The following KLHL4 variants were observed in gnomAD, a reference collection of about 807,000 sequenced individuals.
KLHL4 encodes the protein kelch like family member 4.
A neutral mutation model predicts 45.8 loss-of-function variants in KLHL4; 17 were observed. The ratio of observed to expected loss-of-function variants is 0.37; its 90% CI spans 0.25 to 0.56. The LOEUF (loss-of-function observed/expected upper bound fraction) is 0.56. Among genes scored for constraint, KLHL4 ranks in the 20% least tolerant of loss-of-function variants. KLHL4 has a pLI of 0.79. For synonymous variants in KLHL4, 224 were observed against 189.9 expected, an observed-to-expected ratio of 1.18 and a Z score of -1.47; for missense variants, 544 against 544.9, an observed-to-expected ratio of 1.00 and a Z score of 0.02.
intron 1 of KLHL4, among the ~76,000 whole-genome samples, chrX:87,595,461 A>G (rs1438598725): frequency 1.8e-5 from 2 of 111,827 alleles, no homozygotes; most frequent in African/African-American, 3.3e-5. Context: ...GAAAAATGCC[A>G]TTAGTTGAAG....
At chrX:87,653,981 G>A (rs771385098) in intron 9 of KLHL4, among the ~76,000 whole-genome samples, 22 of 110,443 alleles carry the variant, frequency 2.0e-4, no homozygotes, top group Admixed American at 3.9e-4. Context: ...GCTTGTCAGG[G>A]GAGTGTGGGG....
intron 1 of KLHL4, among the ~76,000 whole-genome samples, chrX:87,612,969 A>G (rs1464017758): frequency 9.0e-6 from 1 of 111,648 alleles, no homozygotes; most frequent in Non-Finnish European, 1.9e-5. Context: ...TGAGCTATTC[A>G]TACCATGATC....
At chrX:87,536,289 A>G (rs1033665183) in intron 1 of KLHL4, among the ~76,000 whole-genome samples, 1 of 111,399 alleles carries the variant, frequency 9.0e-6, no homozygotes, top group Non-Finnish European at 1.9e-5. Flanking sequence ...CTTCAGCAGT[A>G]TAAAGCTGAT....
chrX:87,647,870 G>A (rs926733773), intron 9 of KLHL4, among the ~76,000 whole-genome samples: 5 of 110,468 alleles, frequency 4.5e-5, no homozygotes, highest in Admixed American at 9.6e-5. Flanking sequence ...TTCAAAAATA[G>A]CATTAACAAC....
At chrX:87,629,287 A>T (rs2147822253) in intron 6 of KLHL4, among the ~76,000 whole-genome samples, 1 of 111,570 alleles carries the variant, frequency 9.0e-6, no homozygotes, top group Non-Finnish European at 1.9e-5. Context: ...ATGGTAAAAA[A>T]ATTGAATTTA....
chrX:87,643,165 C>G (rs1165347595), intron 9 of KLHL4, among the ~76,000 whole-genome samples: 3 of 111,169 alleles, frequency 2.7e-5, no homozygotes, highest in Non-Finnish European at 5.7e-5. Context: ...ACTGATAGAC[C>G]ATTAGCAAGA....
intron 9 of KLHL4, among the ~76,000 whole-genome samples, chrX:87,638,183 A>G (rs1349843859): frequency 4.5e-5 from 5 of 111,394 alleles, no homozygotes; most frequent in African/African-American, 1.3e-4. Context: ...AAAGCCTTCA[A>G]GAAGATTGGG....
chrX:87,561,290 C>T (rs995411075), intron 1 of KLHL4, among the ~76,000 whole-genome samples: 1 of 110,792 alleles, frequency 9.0e-6, no homozygotes, highest in Non-Finnish European at 1.9e-5. Context: ...GTAGGAGAGA[C>T]AGTCTTAAAT....
intron 6 of KLHL4, among the ~76,000 whole-genome samples, chrX:87,630,777 G>T (rs1206217689): frequency 9.0e-6 from 1 of 111,588 alleles, no homozygotes; most frequent in East Asian, 2.8e-4. Flanking sequence ...AACACTTAAA[G>T]AAAGTAATAC....
rs1924507971 is a variant in KLHL4, at chrX:87,669,830, A to G, written c.*3296A>G. ...GTGGAAGATATCACATGAACTACCTAATTTTCAAGCATGGATCTCCATATT... is the reference window on the plus strand; with the variant it reads ...GTGGAAGATATCACATGAACTACCTGATTTTCAAGCATGGATCTCCATATT... On this transcript the variant is annotated 3_prime_UTR_variant, in exon 11 of 11. Transcript: ENST00000373119. 8.8e-6 allele frequency: 1 copy of G among 114,238 alleles called. No individual in the cohort carries two copies. The highest frequency in any genetic ancestry group is 9.0e-5 in the Admixed American group (1 of 11,061). 9.4% of individuals were successfully genotyped at this position (114,238 alleles called of 1,213,427 possible). A position where few individuals can be genotyped will look rare whatever the true frequency, so the allele number is the denominator to read the frequency against.
At position 87,626,651 on chromosome X, in the gene KLHL4, T is replaced by TTAAAA. The variant is rs1556036030; in HGVS notation, c.1324+855_1324+856insTAAAA. ...AAATTGTGAGGGATGTATGTAGCTT[T>TTAAAA]AAAAAAAAAAAAAACTCAGTATTTA... On this transcript the variant is annotated intron_variant, in intron 6 of 10. Transcript: ENST00000373119. Among the ~76,000 whole-genome samples, 103 of 100,493 alleles carry TTAAAA rather than the reference T, an allele frequency of 1.0e-3. 2 individuals are homozygous for TTAAAA. In the South Asian group the frequency reaches 0.047, roughly 46 times the overall value. The allele number at this position is 100,493 out of a possible 115,157, so 87.3% of individuals were successfully genotyped here.
intron 9 of KLHL4, among the ~76,000 whole-genome samples, chrX:87,650,449 CTA>C (rs1388913786): frequency 8.9e-6 from 1 of 112,383 alleles, no homozygotes; most frequent in Non-Finnish European, 1.9e-5. Context: ...TAAGCAAAAG[CTA>C]TCTTTCCCTT....
At chrX:87,526,670 A>C (rs949689472) in intron 1 of KLHL4, among the ~76,000 whole-genome samples, 1 of 111,889 alleles carries the variant, frequency 8.9e-6, no homozygotes, top group African/African-American at 3.2e-5. Context: ...AAACCTTTCT[A>C]TTGCCTTTCT....
intron 9 of KLHL4, among the ~76,000 whole-genome samples, chrX:87,660,467 AT>A (rs1924152353): frequency 8.9e-6 from 1 of 112,250 alleles, no homozygotes; most frequent in Non-Finnish European, 1.9e-5. Flanking sequence ...GAATTACTAT[AT>A]TTGGGAAAAA....
chrX:87,560,974 G>A (rs1372672843), intron 1 of KLHL4, among the ~76,000 whole-genome samples: 1 of 110,996 alleles, frequency 9.0e-6, no homozygotes, highest in Non-Finnish European at 1.9e-5. Flanking sequence ...CTAGCCCACT[G>A]TCTATCACCA....
chrX:87,539,272 G>T (rs938866335), intron 1 of KLHL4, among the ~76,000 whole-genome samples: 23 of 110,789 alleles, frequency 2.1e-4, no homozygotes, highest in Non-Finnish European at 3.6e-4. Context: ...TTTATGAGAT[G>T]TGGTAAAGAA....
intron 1 of KLHL4, among the ~76,000 whole-genome samples, chrX:87,552,869 T>A (rs895895174): frequency 1.8e-5 from 2 of 109,968 alleles, no homozygotes; most frequent in African/African-American, 6.6e-5. Context: ...ATGGAAAGAA[T>A]AAATAAGAAT....
At chrX:87,619,556 G>A (rs968540879) in intron 4 of KLHL4, among the ~76,000 whole-genome samples, 2 of 111,632 alleles carry the variant, frequency 1.8e-5, no homozygotes, top group Non-Finnish European at 3.8e-5. Flanking sequence ...AAGGTCAAAG[G>A]TTTATTCTAC....
chrX:87,645,115 C>T (rs1449592707), intron 9 of KLHL4, among the ~76,000 whole-genome samples: 1 of 111,875 alleles, frequency 8.9e-6, no homozygotes, highest in Non-Finnish European at 1.9e-5. Context: ...AAACAGACAA[C>T]CCACAGTGTG....
Sources: gnomAD v4.1 joint callset for allele counts (sites outside exome capture counted in the v4.1 genomes callset) on GRCh38, gnomAD v4.1.1 for gene constraint, MANE v1.5 for transcripts, NCBI Gene and HGNC (gene_info 2026-07-23, HGNC 2026-07-21) for gene names.